Variants in CDH18 observed in about 807,000 individuals in gnomAD.
CDH18 encodes the protein cadherin 18.
CDH18 carries 31 observed loss-of-function variants against 67.9 expected under a neutral mutation model. The ratio of observed to expected loss-of-function variants is 0.46; its 90% CI spans 0.34 to 0.62. The LOEUF (loss-of-function observed/expected upper bound fraction) is 0.62. Among genes scored for constraint, CDH18 ranks in the 20% least tolerant of loss-of-function variants. The pLI is 0.01. For synonymous variants in CDH18, 362 were observed against 347.2 expected (o/e 1.04, Z -0.48); for missense variants, 890 against 975.5 (o/e 0.91, Z 1.17).
At position 20,365,922 on chromosome 5, in the gene CDH18, C is replaced by T. The variant is rs961447051; in HGVS notation, c.-579-110417G>A. Among the ~76,000 whole-genome samples the T allele has an allele frequency of 3.3e-5, 5 of 152,068 alleles. No homozygotes were observed. In the East Asian group the frequency reaches 5.8e-4, roughly 18 times the overall value. Reference sequence around the variant, plus strand: ...GACAGCTTTTCCCAATATGATGTGCCGTTGGCCTTCCATTCATTGCCTGGT... The same window carrying T: ...GACAGCTTTTCCCAATATGATGTGCTGTTGGCCTTCCATTCATTGCCTGGT... On this transcript the variant is annotated intron_variant, in intron 1 of 14. Transcript: ENST00000507958.
intron 1 of CDH18, among the ~76,000 whole-genome samples, chr5:20,257,165 T>A (rs1744314626): frequency 6.6e-6 from 1 of 152,048 alleles, no homozygotes; most frequent in South Asian, 2.1e-4. Context: ...TGTAACTGAT[T>A]TCCAAGTTTA....
intron 1 of CDH18, among the ~76,000 whole-genome samples, chr5:20,258,503 A>C (rs980175087): frequency 2.6e-5 from 4 of 152,162 alleles, no homozygotes; most frequent in African/African-American, 9.7e-5. Context: ...ACTGCACATA[A>C]ATTTGGATAT....
intron 3 of CDH18, among the ~76,000 whole-genome samples, chr5:19,800,590 A>G (rs969320821): frequency 6.6e-6 from 1 of 152,166 alleles, no homozygotes; most frequent in Admixed American, 6.5e-5. Flanking sequence ...ATATATTGAA[A>G]AGGCAATCAA....
chr5:20,304,246 G>C, intron 1 of CDH18: 2 of 1,570,966 alleles, frequency 1.3e-6, no homozygotes, highest in Admixed American at 1.7e-5. Flanking sequence ...GCAATATGTT[G>C]CCTAAATTGG....
At chr5:20,253,086 A>C (rs543815177) in intron 2 of CDH18, among the ~76,000 whole-genome samples, 1 of 152,296 alleles carries the variant, frequency 6.6e-6, no homozygotes, top group African/African-American at 2.4e-5. Context: ...GTCGTAGCCT[A>C]GCTACCAGCC....
At chr5:20,172,216 A>ACATG (rs1276417764) in intron 2 of CDH18, among the ~76,000 whole-genome samples, 1 of 78,800 alleles carries the variant, frequency 1.3e-5, no homozygotes, top group African/African-American at 5.7e-5. Flanking sequence ...ATATATATAT[A>ACATG]TATATATGTA....
intron 2 of CDH18, among the ~76,000 whole-genome samples, chr5:20,098,794 C>G (rs1580237556): frequency 6.6e-6 from 1 of 151,966 alleles, no homozygotes; most frequent in East Asian, 1.9e-4. Context: ...AACTAAAGAA[C>G]ATTTATTGTA....
chr5:19,796,950 C>T (rs182462600), intron 3 of CDH18, among the ~76,000 whole-genome samples: 81 of 151,734 alleles, frequency 5.3e-4, no homozygotes, highest in African/African-American at 1.9e-3. Context: ...TAATAATGTT[C>T]ACGTAACACA....
intron 1 of CDH18, among the ~76,000 whole-genome samples, chr5:20,393,271 A>G (rs114634924): frequency 0.036 from 5,468 of 152,074 alleles, 129 homozygotes; most frequent in Non-Finnish European, 0.053. Flanking sequence ...GACATTTGAT[A>G]AGCCTCACTT....
intron 2 of CDH18, among the ~76,000 whole-genome samples, chr5:20,084,626 C>T (rs1013752671): frequency 1.3e-5 from 2 of 152,202 alleles, no homozygotes; most frequent in African/African-American, 2.4e-5. Flanking sequence ...CTGTAGCAAA[C>T]TTGTGCCTGG....
chr5:19,532,152 T>G (rs541243024), intron 9 of CDH18, among the ~76,000 whole-genome samples: 57 of 152,316 alleles, frequency 3.7e-4, no homozygotes, highest in African/African-American at 1.3e-3. Flanking sequence ...TGTATTTTTT[T>G]GGGTCTTTTT....
At chr5:20,200,200 G>T (rs1251176296) in intron 2 of CDH18, among the ~76,000 whole-genome samples, 1 of 152,166 alleles carries the variant, frequency 6.6e-6, no homozygotes, top group African/African-American at 2.4e-5. Flanking sequence ...TTCGGTTAAT[G>T]ATAAGAATAA....
At chr5:20,398,750 T>TA (rs58122316) in intron 1 of CDH18, among the ~76,000 whole-genome samples, 10,584 of 134,860 alleles carry the variant, frequency 0.078, 1,155 homozygotes, top group East Asian at 0.17. Context: ...TATACCTACA[T>TA]AAAAAACCAC....
At chr5:20,237,226 G>A (rs530501974) in intron 2 of CDH18, among the ~76,000 whole-genome samples, 24 of 151,988 alleles carry the variant, frequency 1.6e-4, no homozygotes, top group African/African-American at 5.8e-4. Context: ...ATAGTTCATG[G>A]TGAAAGATAC....
At chr5:20,134,283 T>A (rs1456312875) in intron 2 of CDH18, among the ~76,000 whole-genome samples, 1 of 152,130 alleles carries the variant, frequency 6.6e-6, no homozygotes, top group Non-Finnish European at 1.5e-5. Context: ...GCCTACATCT[T>A]GTATATCGTT....
intron 1 of CDH18, among the ~76,000 whole-genome samples, chr5:20,506,457 A>G (rs1581124663): frequency 6.6e-6 from 1 of 152,232 alleles, no homozygotes; most frequent in Admixed American, 6.5e-5. Flanking sequence ...AGCAGAAAGC[A>G]TCCTTCAGCT....
chr5:20,049,709 C>G (rs571554315), intron 2 of CDH18, among the ~76,000 whole-genome samples: 26 of 151,560 alleles, frequency 1.7e-4, no homozygotes, highest in Non-Finnish European at 3.1e-4. Flanking sequence ...TTCAAGTATA[C>G]CCCTATAAAC....
Position 20,191,103 on chromosome 5 carries a change from G to A in CDH18, c.-518+64341C>T, listed in dbSNP as rs138154627. ...TTTTAAGTACTAAAATGTGCTCATT[G>A]AATAATTTAAGGATTTTTAATGATG... On this transcript the variant is annotated intron_variant, in intron 2 of 14. Coordinates refer to the CDH18 transcript ENST00000507958. Among the ~76,000 whole-genome samples the A allele has an allele frequency of 8.2e-3, 1,255 of 152,170 alleles. 11 individuals are homozygous for A. The highest frequency in any genetic ancestry group is 9.0e-3 in the Non-Finnish European group (613 of 67,980).
intron 2 of CDH18, among the ~76,000 whole-genome samples, chr5:20,230,298 C>T (rs1354615250): frequency 2.6e-5 from 4 of 152,124 alleles, no homozygotes; most frequent in Non-Finnish European, 5.9e-5. Flanking sequence ...CACTAAACTC[C>T]TGCAGGGCCT....
Sources: allele counts gnomAD v4.1 joint callset (sites outside exome capture counted in the v4.1 genomes callset), GRCh38; gene constraint gnomAD v4.1.1; transcripts MANE v1.5; gene names NCBI Gene and HGNC (gene_info 2026-07-23, HGNC 2026-07-21).